The following PPM1L variants were observed in gnomAD, a reference collection of about 807,000 sequenced individuals.
The protein encoded by PPM1L is protein phosphatase 1L.
A neutral mutation model predicts 31.4 loss-of-function variants in PPM1L; 13 were observed. The observed-to-expected ratio is 0.41, with a 90% CI of 0.27 to 0.66. The LOEUF (loss-of-function observed/expected upper bound fraction) is 0.66. PPM1L is among the 30% of genes least tolerant of loss of function. The pLI is 0.29. For synonymous variants in PPM1L, 184 were observed against 175.4 expected, an observed-to-expected ratio of 1.05 and a Z score of -0.39; for missense variants, 326 against 453.7, an observed-to-expected ratio of 0.72 and a Z score of 2.56.
At chr3:160,944,790 T>A (rs1266683904) in intron 1 of PPM1L, among the ~76,000 whole-genome samples, 1 of 44,408 alleles carries the variant, frequency 2.3e-5, no homozygotes, top group African/African-American at 5.6e-5. Context: ...ATATTATATA[T>A]GTTATATATA....
intron 1 of PPM1L, among the ~76,000 whole-genome samples, chr3:160,904,852 A>G (rs566721999): frequency 9.9e-5 from 15 of 152,164 alleles, no homozygotes; most frequent in African/African-American, 2.7e-4. Context: ...GTGGCTCCCT[A>G]TGCTATTCCT....
intron 1 of PPM1L, among the ~76,000 whole-genome samples, chr3:160,779,052 G>A (rs567256083): frequency 2.0e-5 from 3 of 148,452 alleles, no homozygotes; most frequent in Admixed American, 6.7e-5. Flanking sequence ...TTTATTTTGT[G>A]TTATAGTCCT....
chr3:161,069,277 C>G lies in PPM1L; in HGVS notation c.*120C>G. The stretch of plus-strand genomic sequence containing the variant: ...CATCCACCCCAGACATGGAATCCCC[C>G]CTCCCTGGTGGTCTTAGGTCTATAA... On this transcript the variant is annotated 3_prime_UTR_variant, in exon 4 of 4. Coordinates refer to ENST00000498165, the MANE Select transcript of PPM1L (RefSeq NM_139245.4). 1.3e-6 allele frequency: 1 copy of G among 780,618 alleles called. No homozygotes were observed. Among genetic ancestry groups the G allele is most frequent in the Non-Finnish European group, 2.0e-6 (1 of 501,334 alleles). The allele number at this position is 780,618 out of a possible 1,614,324, so 48.4% of individuals were successfully genotyped here. A position where few individuals can be genotyped will look rare whatever the true frequency, so the allele number is the denominator to read the frequency against.
intron 1 of PPM1L, among the ~76,000 whole-genome samples, chr3:160,783,250 TA>T (rs918072634): frequency 4.6e-5 from 7 of 151,816 alleles, no homozygotes; most frequent in Admixed American, 3.9e-4. Flanking sequence ...ATTAGCACAT[TA>T]AAAAAAATGA....
rs1010817553 is a variant in PPM1L at position 161,073,601 on chromosome 3, ACCCAGGCTGGAATG to A, written c.*4447_*4460del. 3.3e-5 allele frequency: 5 copies of A among 151,094 alleles called. No individual in the cohort carries two copies. The highest frequency in any genetic ancestry group is 1.2e-4 in the African/African-American group (5 of 40,980). The allele number at this position is 151,094 out of a possible 1,614,324, so 9.4% of individuals were successfully genotyped here. On this transcript the variant is annotated 3_prime_UTR_variant, in exon 4 of 4. Coordinates refer to ENST00000498165, the MANE Select transcript of PPM1L (RefSeq NM_139245.4). ...TTTTTTAACGGAATCTCGCTCTGTC[ACCCAGGCTGGAATG>A]CCGTGGCGCAATGTCAGGTCACTGC...
At chr3:160,858,171 A>G (rs556614808) in intron 1 of PPM1L, among the ~76,000 whole-genome samples, 17 of 152,312 alleles carry the variant, frequency 1.1e-4, no homozygotes, top group Admixed American at 8.5e-4. Context: ...CTTTTTATGT[A>G]TTTATGAAAG....
chr3:160,808,671 T>C (rs1409557809), intron 1 of PPM1L, among the ~76,000 whole-genome samples: 1 of 152,164 alleles, frequency 6.6e-6, no homozygotes, highest in Non-Finnish European at 1.5e-5. Flanking sequence ...TTCAGGCACC[T>C]GAGGACACTC....
In PPM1L at chr3:160,818,608, C is replaced by T. The variant is rs145720362; in HGVS notation, c.399+61901C>T. ...CAGTTGTGCTATTAAAAATCTGATTCCACTTGATAGAGTCATTTTCACTGT... is the reference window on the plus strand; with the variant it reads ...CAGTTGTGCTATTAAAAATCTGATTTCACTTGATAGAGTCATTTTCACTGT... On this transcript the variant is annotated intron_variant, in intron 1 of 3. Coordinates refer to ENST00000498165, the MANE Select transcript of PPM1L (RefSeq NM_139245.4). 3.5e-3 allele frequency among the ~76,000 whole-genome samples: 531 copies of T among 152,154 alleles called. 3 individuals are homozygous for T. The highest frequency in any genetic ancestry group is 5.7e-3 in the Non-Finnish European group (389 of 67,940).
At chr3:160,840,390 G>C (rs1450139908) in intron 1 of PPM1L, among the ~76,000 whole-genome samples, 4 of 152,248 alleles carry the variant, frequency 2.6e-5, no homozygotes, top group Non-Finnish European at 5.9e-5. Flanking sequence ...CTGTATTAGT[G>C]AGAGTTCTTC....
intron 1 of PPM1L, among the ~76,000 whole-genome samples, chr3:160,933,593 T>C (rs535514552): frequency 3.3e-5 from 5 of 152,214 alleles, no homozygotes; most frequent in African/African-American, 1.2e-4. Flanking sequence ...ACATGGGAGC[T>C]AGGGAAGTTG....
chr3:160,762,123 A>C (rs952048572), intron 1 of PPM1L, among the ~76,000 whole-genome samples: 1 of 152,324 alleles, frequency 6.6e-6, no homozygotes, highest in African/African-American at 2.4e-5. Flanking sequence ...TGAATAAATA[A>C]ATTATGACTG....
chr3:160,857,529 A>T (rs762426078), intron 1 of PPM1L, among the ~76,000 whole-genome samples: 1 of 152,156 alleles, frequency 6.6e-6, no homozygotes, highest in Non-Finnish European at 1.5e-5. Context: ...GGCTGGGACC[A>T]TATGGTTTTC....
At chr3:160,788,214 A>C (rs368734208) in intron 1 of PPM1L, among the ~76,000 whole-genome samples, 2 of 152,158 alleles carry the variant, frequency 1.3e-5, no homozygotes, top group Non-Finnish European at 2.9e-5. Context: ...CAGTATGACC[A>C]TTTTAATGAT....
At chr3:160,935,542 T>C (rs888467438) in intron 1 of PPM1L, among the ~76,000 whole-genome samples, 5 of 152,274 alleles carry the variant, frequency 3.3e-5, no homozygotes, top group African/African-American at 1.2e-4. Flanking sequence ...AAAAGTGAGA[T>C]AGCATATGCT....
chr3:160,852,300 C>T (rs12107472), intron 1 of PPM1L, among the ~76,000 whole-genome samples: 43 of 150,854 alleles, frequency 2.9e-4, no homozygotes, highest in African/African-American at 1.0e-3. Flanking sequence ...TTTTGTGTTA[C>T]AAAAACAAAA....
In PPM1L at chr3:160,851,278, G is replaced by A. The variant is rs116124371; in HGVS notation, c.399+94571G>A. 8.6e-3 allele frequency among the ~76,000 whole-genome samples: 1,309 copies of A among 152,248 alleles called. 27 individuals carry two copies. The highest frequency in any genetic ancestry group is 9.4e-3 in the Non-Finnish European group (641 of 68,024). On this transcript the variant is annotated intron_variant, in intron 1 of 3. Transcript: ENST00000498165. ...TTCTGATTTATCTGTATTTACTTAA[G>A]CAGATGTGTTTTTGATTGTCTATCA...
intron 2 of PPM1L, among the ~76,000 whole-genome samples, chr3:160,963,164 T>C (rs543277478): frequency 6.6e-6 from 1 of 152,182 alleles, no homozygotes; most frequent in African/African-American, 2.4e-5. Flanking sequence ...AGAACTCATA[T>C]AGTCCGCCCA....
At chr3:160,921,855 T>A (rs1225106536) in intron 1 of PPM1L, among the ~76,000 whole-genome samples, 1 of 131,578 alleles carries the variant, frequency 7.6e-6, no homozygotes, top group Non-Finnish European at 1.8e-5. Context: ...CTAAGGTTAC[T>A]TATGACCAGG....
chr3:160,801,105 A>G (rs1292593709), intron 1 of PPM1L, among the ~76,000 whole-genome samples: 1 of 148,552 alleles, frequency 6.7e-6, no homozygotes, highest in East Asian at 2.0e-4. Flanking sequence ...GGGGAATGGT[A>G]AGGTTTACTA....
Sources: allele counts gnomAD v4.1 joint callset (sites outside exome capture counted in the v4.1 genomes callset), GRCh38; gene constraint gnomAD v4.1.1; transcripts MANE v1.5; gene names NCBI Gene and HGNC (gene_info 2026-07-23, HGNC 2026-07-21).